UBE2Q1: variants seen among roughly 807,000 people sequenced by gnomAD.
UBE2Q1 encodes ubiquitin conjugating enzyme E2 Q1, also known as ubiquitin-conjugating enzyme E2 Q1.
In UBE2Q1, 6 loss-of-function variants were observed where a neutral mutation model predicts 60.1. That is an observed-to-expected ratio of 0.10 (90% confidence interval 0.05 to 0.20). UBE2Q1 has a LOEUF of 0.20. Ranked by LOEUF, UBE2Q1 falls within the 10% of genes least tolerant of loss-of-function variation. UBE2Q1 has a pLI of 1.00. For synonymous variants in UBE2Q1, 226 were observed against 208.3 expected, an observed-to-expected ratio of 1.09 and a Z score of -0.73; for missense variants, 262 against 525.8, an observed-to-expected ratio of 0.50 and a Z score of 4.91.
intron 1 of UBE2Q1, among the ~76,000 whole-genome samples, chr1:154,556,319 C>T (rs1695887477): frequency 6.6e-6 from 1 of 152,148 alleles, no homozygotes. Context: ...TCAAGTTCTC[C>T]CTGGACCCAG....
chr1:154,551,265 C>T, intron 11 of UBE2Q1, 132 bp downstream of exon 11: 2 of 997,846 alleles, frequency 2.0e-6, no homozygotes, highest in Non-Finnish European at 3.0e-6. Flanking sequence ...GCACCCTAGG[C>T]CCTCTCATCC....
At position 154,550,143 on chromosome 1, in the gene UBE2Q1, T is replaced by A; in HGVS notation, c.*295A>T. On this transcript the variant is annotated 3_prime_UTR_variant, in exon 13 of 13. Coordinates refer to ENST00000292211, the MANE Select transcript of UBE2Q1 (RefSeq NM_017582.7). Reference sequence around the variant, plus strand: ...GGCTCTAGTCTGGAGCACAGCTGAGTTTCCAGCAATATAAGGAGGCTCGAA... The same window carrying A: ...GGCTCTAGTCTGGAGCACAGCTGAGATTCCAGCAATATAAGGAGGCTCGAA... 1 of 391,806 alleles carries A rather than the reference T, an allele frequency of 2.6e-6. No homozygotes were observed. The highest frequency in any genetic ancestry group is 4.1e-5 in the East Asian group (1 of 24,248). 24.3% of individuals were successfully genotyped at this position (391,806 alleles called of 1,614,324 possible).
chr1:154,558,178 G>A, intron 1 of UBE2Q1, 49 bp downstream of exon 1: 1 of 1,430,748 alleles, frequency 7.0e-7, no homozygotes, highest in South Asian at 1.4e-5. Flanking sequence ...AGTGATCCTG[G>A]GTCCCTGACA....
rs1695878197 is a variant in UBE2Q1, at chr1:154,555,953, AGG to A, written c.337_338del (p.Pro113CysfsTer11). The stretch of plus-strand genomic sequence containing the variant: ...CCACCGACCAGATGGGGGGCACAGC[AGG>A]GTATGACTCCTGAAGGGAAAAGAGC... ...RIHCNITESY[P>X]AVPPIWSVES... On this transcript the variant is annotated frameshift_variant, in exon 2 of 13. Coordinates refer to ENST00000292211, the MANE Select transcript of UBE2Q1 (RefSeq NM_017582.7). LOFTEE classifies it high-confidence loss of function. 6.2e-7 allele frequency: 1 copy of A among 1,613,964 alleles called. No individual in the cohort carries two copies.
chr1:154,551,229 G>A (rs1695786427), intron 11 of UBE2Q1, 168 bp downstream of exon 11: 1 of 842,352 alleles, frequency 1.2e-6, no homozygotes. Flanking sequence ...GCCCCTAGGG[G>A]CCAAGGCACA....
Position 154,550,257 on chromosome 1 carries a change from CTG to C in UBE2Q1, c.*179_*180del, listed in dbSNP as rs879558963. 24 of 846,946 alleles carry C rather than the reference CTG, an allele frequency of 2.8e-5. No individual in the cohort carries two copies. Among genetic ancestry groups the C allele is most frequent in the East Asian group, 7.5e-5 (3 of 39,754 alleles). 52.5% of individuals were successfully genotyped at this position (846,946 alleles called of 1,614,324 possible). ...TCAGTCTTGAGTACTTGAAACAGTT[CTG>C]TGTTTGTTTTTTTTCCTTAGCGTTT... On this transcript the variant is annotated 3_prime_UTR_variant, in exon 13 of 13. Transcript: ENST00000292211.
chr1:154,557,538 C>T lies in UBE2Q1; in HGVS notation c.327+689G>A, dbSNP rs946117073. Among the ~76,000 whole-genome samples the T allele has an allele frequency of 3.3e-5, 5 of 152,122 alleles. No individual in the cohort carries two copies. In the East Asian group the frequency reaches 9.6e-4, roughly 29 times the overall value. ...CTCGCACATCACATCACTATCATTA[C>T]CAGGAAAAGCAACAACCCAGGGCAA... On this transcript the variant is annotated intron_variant, in intron 1 of 12. Transcript: ENST00000292211.
intron 4 of UBE2Q1, among the ~76,000 whole-genome samples, chr1:154,553,878 A>T (rs1330438961): frequency 6.6e-6 from 1 of 152,228 alleles, no homozygotes; most frequent in Non-Finnish European, 1.5e-5. Flanking sequence ...AGGGCTGTCC[A>T]CTATCTGGGA....
At chr1:154,552,629 G>C in intron 6 of UBE2Q1, 107 bp downstream of exon 6, 1 of 1,464,344 alleles carries the variant, frequency 6.8e-7, no homozygotes. Flanking sequence ...TTCTTGGCCT[G>C]AAAAGTTCAT....
At chr1:154,552,524 T>C (rs1695808910) in intron 6 of UBE2Q1, 60 bp from the exon 7 acceptor site, 4 of 1,589,070 alleles carry the variant, frequency 2.5e-6, no homozygotes, top group African/African-American at 2.7e-5. Flanking sequence ...TGGTCTCTAA[T>C]GCAGACCCCT....
Position 154,549,648 on chromosome 1 carries a change from A to C in UBE2Q1, c.*790T>G, listed in dbSNP as rs1436105228. 1 of 152,666 alleles carries C rather than the reference A, an allele frequency of 6.6e-6. No homozygotes were observed. Among genetic ancestry groups the C allele is most frequent in the African/African-American group, 2.4e-5 (1 of 41,450 alleles). The allele number at this position is 152,666 out of a possible 1,614,324, so 9.5% of individuals were successfully genotyped here. A position where few individuals can be genotyped will look rare whatever the true frequency, so the allele number is the denominator to read the frequency against. Reference sequence around the variant, plus strand: ...TCTACGAAGCAGCCTCTTGAGCCTCATTTTCTTTTTCTTAGAAATTTGAAA... The same window carrying C: ...TCTACGAAGCAGCCTCTTGAGCCTCCTTTTCTTTTTCTTAGAAATTTGAAA... On this transcript the variant is annotated 3_prime_UTR_variant, in exon 13 of 13. Coordinates refer to ENST00000292211, the MANE Select transcript of UBE2Q1 (RefSeq NM_017582.7).
intron 8 of UBE2Q1, 44 bp from the exon 9 acceptor site, chr1:154,552,023 C>G (rs1557844688): frequency 6.2e-7 from 1 of 1,613,982 alleles, no homozygotes; most frequent in African/African-American, 1.3e-5. Context: ...AGGCCAGCAT[C>G]CTCCACAGGA....
At position 154,551,092 on chromosome 1, in the gene UBE2Q1, A is replaced by G; in HGVS notation, c.1171-88T>C. On this transcript the variant is annotated intron_variant, in intron 11 of 12. Coordinates refer to ENST00000292211, the MANE Select transcript of UBE2Q1 (RefSeq NM_017582.7). ...CTGCAGGCTGTCACCCAGAGACCCC[A>G]GAGTCCCAGCTCCCAGCACTGTGGT... The G allele has an allele frequency of 1.8e-5, 27 of 1,493,100 alleles. No homozygotes were observed. The South Asian group carries it at 3.1e-4, about 17-fold the overall frequency. 92.5% of individuals were successfully genotyped at this position (1,493,100 alleles called of 1,614,324 possible).
At position 154,552,836 on chromosome 1, in the gene UBE2Q1, G is replaced by C; in HGVS notation, c.730-16C>G. On this transcript the variant is annotated splice_polypyrimidine_tract_variant and intron_variant, in intron 5 of 12. Transcript: ENST00000292211. ...ACACTGCACCCTGTGAGGGACGGAT[G>C]ACAGGAACATTCCTTGGTCGTGTGG... 1 of 1,613,518 alleles carries C rather than the reference G, an allele frequency of 6.2e-7. No individual in the cohort carries two copies.
Position 154,553,160 on chromosome 1 carries a change from A to G in UBE2Q1, c.601T>C (p.Leu201=), listed in dbSNP as rs1173373230. The G allele has an allele frequency of 6.2e-7, 1 of 1,612,960 alleles. No individual in the cohort carries two copies. Among genetic ancestry groups the G allele is most frequent in the Non-Finnish European group, 8.5e-7 (1 of 1,179,982 alleles). Residue 201 remains leucine, a synonymous_variant, in exon 5 of 13, where the codon TTA becomes CTA. Coordinates refer to ENST00000292211, the MANE Select transcript of UBE2Q1 (RefSeq NM_017582.7). ...DEEMPEDTED[L]DHYEMKEEEP... ...TCCTCTTTCATTTCATAGTGATCTAAGTCTTCTGTGTCCTGGAGGAGGTGT... is the reference window on the plus strand; with the variant it reads ...TCCTCTTTCATTTCATAGTGATCTAGGTCTTCTGTGTCCTGGAGGAGGTGT...
chr1:154,552,650 G>A, intron 6 of UBE2Q1, 86 bp downstream of exon 6: 3 of 1,520,130 alleles, frequency 2.0e-6, no homozygotes, highest in East Asian at 2.3e-5. Context: ...AAGCACTCCT[G>A]GACCCCAGAA....
chr1:154,551,762 C>G lies in UBE2Q1; in HGVS notation c.1074+9G>C, dbSNP rs551148312. On this transcript the variant is annotated intron_variant, in intron 10 of 12. Transcript: ENST00000292211. ...GGCCGGCCTGGCCAAGGAGGAGAGA[C>G]AGGCTCACCTGTTTGGTGAGAAGTT... The G allele has an allele frequency of 2.5e-6, 4 of 1,614,206 alleles. No individual in the cohort carries two copies. The highest frequency in any genetic ancestry group is 1.7e-5 in the Admixed American group (1 of 60,034).
chr1:154,555,327 C>T (rs1695864331), intron 3 of UBE2Q1, 101 bp downstream of exon 3: 16 of 982,058 alleles, frequency 1.6e-5, no homozygotes, highest in East Asian at 7.2e-5. Flanking sequence ...TTTTGGGAGC[C>T]GGTGGGGATG....
At chr1:154,554,586 A>G (rs936136626) in intron 4 of UBE2Q1, 149 bp downstream of exon 4, 11 of 823,770 alleles carry the variant, frequency 1.3e-5, no homozygotes, top group Admixed American at 2.5e-5. Flanking sequence ...CTCCTCTACT[A>G]CACTGGCTAT....
Sources: allele counts gnomAD v4.1 joint callset (sites outside exome capture counted in the v4.1 genomes callset), GRCh38; gene constraint gnomAD v4.1.1; transcripts MANE v1.5; gene names NCBI Gene and HGNC (gene_info 2026-07-23, HGNC 2026-07-21).